GPRIN2: variants seen among roughly 807,000 people sequenced by gnomAD.
The protein encoded by GPRIN2 is G protein-regulated inducer of neurite outgrowth 2.
A neutral mutation model predicts 0.3 loss-of-function variants in GPRIN2; 1 was observed. That is an observed-to-expected ratio of 3.90 (90% CI 1.39 to 18.51). GPRIN2 has a LOEUF of 18.51. GPRIN2 is among the 30% of genes most tolerant of loss of function. GPRIN2 has a pLI of 0.11. For synonymous variants in GPRIN2, 361 were observed against 258.6 expected (o/e 1.40, Z -3.80); for missense variants, 880 against 604.2 (o/e 1.46, Z -4.79).
At chr10:46,553,038 T>A (rs1374655547) in intron 2 of GPRIN2, among the ~76,000 whole-genome samples, 1 of 152,308 alleles carries the variant, frequency 6.6e-6, no homozygotes, top group African/African-American at 2.4e-5. Context: ...ACGTGCCACA[T>A]CCTTTGCATA....
rs1841784948 is a variant in GPRIN2 at position 46,541,799 on chromosome 10, T to A, written c.*7561A>T. Among the ~76,000 whole-genome samples, 1 of 152,306 alleles carries A rather than the reference T, an allele frequency of 6.6e-6. No homozygotes were observed. The highest frequency in any genetic ancestry group is 2.4e-5 in the African/African-American group (1 of 41,486). Reference sequence around the variant, plus strand: ...AGCAGTGTTTTAAAATAAAAACTAATGAAAAAATGATAAAATATCAAAAAT... The same window carrying A: ...AGCAGTGTTTTAAAATAAAAACTAAAGAAAAAATGATAAAATATCAAAAAT... On this transcript the variant is annotated 3_prime_UTR_variant, in exon 3 of 3. Coordinates refer to ENST00000374314, the MANE Select transcript of GPRIN2 (RefSeq NM_001385282.1).
chr10:46,544,158 G>T lies in GPRIN2; in HGVS notation c.*5202C>A, dbSNP rs1464900806. On this transcript the variant is annotated 3_prime_UTR_variant, in exon 3 of 3. Coordinates refer to ENST00000374314, the MANE Select transcript of GPRIN2 (RefSeq NM_001385282.1). ...GGGAAGGTACCAGCGGCCGGCTGCA[G>T]AGGGGCTCCATTCCCCTGACCCTCA... is the stretch of plus-strand genomic sequence containing the variant. 2.0e-5 allele frequency among the ~76,000 whole-genome samples: 3 copies of T among 152,306 alleles called. No homozygotes were observed. The highest frequency in any genetic ancestry group is 1.3e-4 in the Admixed American group (2 of 15,292).
rs1223028082 is a variant in GPRIN2 at position 46,546,982 on chromosome 10, C to T, written c.*2378G>A. On this transcript the variant is annotated 3_prime_UTR_variant, in exon 3 of 3. Transcript: ENST00000374314. ...CATGGAGGTAGCACAGAGTGGCACCCAGCCAGCGTGAATGCATAAGAATCT... is the reference window on the plus strand; with the variant it reads ...CATGGAGGTAGCACAGAGTGGCACCTAGCCAGCGTGAATGCATAAGAATCT... Among the ~76,000 whole-genome samples the T allele has an allele frequency of 6.6e-6, 1 of 152,310 alleles. No individual in the cohort carries two copies.
chr10:46,555,695 C>T (rs1293056986), intron 1 of GPRIN2, among the ~76,000 whole-genome samples: 1 of 152,310 alleles, frequency 6.6e-6, no homozygotes, highest in East Asian at 1.9e-4. Flanking sequence ...GCCTAGGCGC[C>T]CAACAGCCCC....
rs1372335331 is a variant in GPRIN2 at position 46,550,245 on chromosome 10, C to T, written c.492G>A (p.Gln164=). The T allele has an allele frequency of 1.9e-6, 3 of 1,609,132 alleles. No individual in the cohort carries two copies. The highest frequency in any genetic ancestry group is 2.7e-5 in the African/African-American group (2 of 74,870). ...AQLQPGGTSG[Q]GGQAPAGLER... ...CCAGGCCTGCAGGGGCCTGGCCACC[C>T]TGGCCAGAAGTACCACCTGGCTGCA... The change falls in exon 3 of 3, where the codon CAG becomes CAA. Residue 164 remains glutamine (Q), a synonymous_variant. Coordinates refer to ENST00000374314, the MANE Select transcript of GPRIN2 (RefSeq NM_001385282.1).
chr10:46,548,885 C>T lies in GPRIN2; in HGVS notation c.*475G>A. 6.6e-6 allele frequency among the ~76,000 whole-genome samples: 1 copy of T among 152,312 alleles called. No homozygotes were observed. The highest frequency in any genetic ancestry group is 1.5e-5 in the Non-Finnish European group (1 of 68,058). Reference sequence around the variant, plus strand: ...CAGGACAAGCACAGTATGTGGCACACAGGAGGCCTCTGATAACATCAGTCC... The same window carrying T: ...CAGGACAAGCACAGTATGTGGCACATAGGAGGCCTCTGATAACATCAGTCC... On this transcript the variant is annotated 3_prime_UTR_variant, in exon 3 of 3. Coordinates refer to ENST00000374314, the MANE Select transcript of GPRIN2 (RefSeq NM_001385282.1).
rs1406013414 is a variant in GPRIN2, at chr10:46,542,472, G to T, written c.*6888C>A. Among the ~76,000 whole-genome samples, 1 of 152,308 alleles carries T rather than the reference G, an allele frequency of 6.6e-6. No individual in the cohort carries two copies. The highest frequency in any genetic ancestry group is 1.5e-5 in the Non-Finnish European group (1 of 68,058). On this transcript the variant is annotated 3_prime_UTR_variant, in exon 3 of 3. Coordinates refer to ENST00000374314, the MANE Select transcript of GPRIN2 (RefSeq NM_001385282.1). ...AGATCTGATGGTTTTATAAGTGTTT[G>T]GTAGTTCCTTCTGCATTCATTTTCC...
Position 46,550,140 on chromosome 10 carries a change from T to C in GPRIN2, c.597A>G (p.Leu199=). The part of the protein sequence containing the change: ...LGASQLSVPP[L]DLGDTTAHSS... ...TGTGGGCAGTTGTGTCCCCCAGGTC[T>C]AGTGGTGGCACTGACAACTGACTCG... Residue 199 remains leucine, a synonymous_variant, in exon 3 of 3, where the codon CTA becomes CTG. Coordinates refer to ENST00000374314, the MANE Select transcript of GPRIN2 (RefSeq NM_001385282.1). The C allele has an allele frequency of 6.2e-7, 1 of 1,604,528 alleles. No individual in the cohort carries two copies. Among genetic ancestry groups the C allele is most frequent in the East Asian group, 2.2e-5 (1 of 44,718 alleles).
intron 2 of GPRIN2, among the ~76,000 whole-genome samples, chr10:46,552,070 G>GT (rs1202183873): frequency 1.3e-5 from 2 of 152,412 alleles, no homozygotes; most frequent in Non-Finnish European, 2.9e-5. Context: ...CAAAAATGGG[G>GT]TCTGAGGGAG....
intron 2 of GPRIN2, among the ~76,000 whole-genome samples, chr10:46,551,232 C>G (rs1248992190): frequency 6.6e-6 from 1 of 152,308 alleles, no homozygotes; most frequent in Non-Finnish European, 1.5e-5. Flanking sequence ...CTGGGACTGG[C>G]AGTATCCAAC....
chr10:46,557,443 C>T (rs1831741439), upstream of GPRIN2, among the ~76,000 whole-genome samples: 11 of 152,426 alleles, frequency 7.2e-5, no homozygotes, highest in African/African-American at 2.2e-4. Context: ...ATCTACCACC[C>T]CTTTCCCTGC....
rs1456079164 is a variant in GPRIN2, at chr10:46,542,135, A to T, written c.*7225T>A. Among the ~76,000 whole-genome samples the T allele has an allele frequency of 2.0e-5, 3 of 152,310 alleles. No individual in the cohort carries two copies. The highest frequency in any genetic ancestry group is 6.5e-5 in the Admixed American group (1 of 15,294). On this transcript the variant is annotated 3_prime_UTR_variant, in exon 3 of 3. Transcript: ENST00000374314. The stretch of plus-strand genomic sequence containing the variant: ...CATCTCCCAGTCTGTTGACTGCTAA[A>T]AATGAGAAGTGAACAGAGAGAAGGC...
chr10:46,544,809 G>T lies in GPRIN2; in HGVS notation c.*4551C>A, dbSNP rs942981834. Among the ~76,000 whole-genome samples, 18 of 152,408 alleles carry T rather than the reference G, an allele frequency of 1.2e-4. No individual in the cohort carries two copies. The highest frequency in any genetic ancestry group is 2.6e-4 in the Admixed American group (4 of 15,310). ...GGAAAAAGGGGTGTGTGCTGTTGGT[G>T]TGAGAGATCTGGATCTTAACAGATC... On this transcript the variant is annotated 3_prime_UTR_variant, in exon 3 of 3. Transcript: ENST00000374314.
At position 46,548,395 on chromosome 10, in the gene GPRIN2, C is replaced by T. The variant is rs1842364401; in HGVS notation, c.*965G>A. On this transcript the variant is annotated 3_prime_UTR_variant, in exon 3 of 3. Transcript: ENST00000374314. ...GTCCCCCTCCATTCCTGCCCTCCCT[C>T]CTTCCACAAACTGCACCAGCTGGGG... 6.6e-6 allele frequency among the ~76,000 whole-genome samples: 1 copy of T among 152,302 alleles called. No homozygotes were observed. The highest frequency in any genetic ancestry group is 1.5e-5 in the Non-Finnish European group (1 of 68,052).
chr10:46,556,844 T>C (rs1233573042), upstream of GPRIN2, among the ~76,000 whole-genome samples: 3 of 150,554 alleles, frequency 2.0e-5, no homozygotes, highest in African/African-American at 4.9e-5. Flanking sequence ...CTGTCCTCGG[T>C]CTTTTCGGCC....
In GPRIN2 at chr10:46,546,850, G is replaced by C. The variant is rs1209203367; in HGVS notation, c.*2510C>G. Among the ~76,000 whole-genome samples, 4 of 152,310 alleles carry C rather than the reference G, an allele frequency of 2.6e-5. No homozygotes were observed. Among genetic ancestry groups the C allele is most frequent in the African/African-American group, 9.6e-5 (4 of 41,488 alleles). ...ATCTGGGGCCCCAGCCAAGACACAG[G>C]TGTTGGATTTCAGCACCGCTCTGCA... is the stretch of plus-strand genomic sequence containing the variant. On this transcript the variant is annotated 3_prime_UTR_variant, in exon 3 of 3. Coordinates refer to ENST00000374314, the MANE Select transcript of GPRIN2 (RefSeq NM_001385282.1).
In GPRIN2 at chr10:46,546,451, G is replaced by A. The variant is rs1842168841; in HGVS notation, c.*2909C>T. Reference sequence around the variant, plus strand: ...ATAAACAAGACCAGTCAGGACCGATGCCCCATCCCTGCTGGGGTCTGGCAA... The same window carrying A: ...ATAAACAAGACCAGTCAGGACCGATACCCCATCCCTGCTGGGGTCTGGCAA... On this transcript the variant is annotated 3_prime_UTR_variant, in exon 3 of 3. Transcript: ENST00000374314. 6.6e-6 allele frequency among the ~76,000 whole-genome samples: 1 copy of A among 152,276 alleles called. No homozygotes were observed.
chr10:46,549,736 T>A lies in GPRIN2; in HGVS notation c.1001A>T (p.Asp334Val). 1 of 1,614,196 alleles carries A rather than the reference T, an allele frequency of 6.2e-7. No individual in the cohort carries two copies. The highest frequency in any genetic ancestry group is 8.5e-7 in the Non-Finnish European group (1 of 1,180,008). Residue 334 changes from aspartate (D) to valine (V), a missense_variant, in exon 3 of 3, where the codon GAT becomes GTT. Coordinates refer to ENST00000374314, the MANE Select transcript of GPRIN2 (RefSeq NM_001385282.1). ...PAEASPLSAQ[D>V]AGVQAAPVAA... ...CACTGGGGCCGCCTGCACACCAGCATCCTGGGCTGACAGCGGGGATGCCTC... is the reference window on the plus strand; with the variant it reads ...CACTGGGGCCGCCTGCACACCAGCAACCTGGGCTGACAGCGGGGATGCCTC...
At chr10:46,557,557 G>A (rs1843370851), upstream of GPRIN2, among the ~76,000 whole-genome samples, 4 of 152,414 alleles carry the variant, frequency 2.6e-5, no homozygotes, top group Middle Eastern at 3.4e-3. Flanking sequence ...CACCTCCACT[G>A]GAGCCCGCCT....
Sources: gnomAD v4.1 joint callset for allele counts (sites outside exome capture counted in the v4.1 genomes callset) on GRCh38, gnomAD v4.1.1 for gene constraint, MANE v1.5 for transcripts, NCBI Gene and HGNC (gene_info 2026-07-23, HGNC 2026-07-21) for gene names.